The following LDB2 variants were observed in gnomAD, a reference collection of about 807,000 sequenced individuals.
LDB2 encodes LIM domain binding 2.
In LDB2, 12 loss-of-function variants were observed where a neutral mutation model predicts 44.3. The ratio of observed to expected loss-of-function variants is 0.27; its 90% CI spans 0.17 to 0.44. The LOEUF (loss-of-function observed/expected upper bound fraction) is 0.44, where lower values mean the gene tolerates loss of function less well. Ranked by LOEUF, LDB2 falls within the 20% of genes least tolerant of loss-of-function variation. The probability of loss-of-function intolerance (pLI) is 1.00; values close to 1 mark genes in which losing one functional copy is unlikely to be tolerated. For missense variants in LDB2, 344 were observed against 473.5 expected, an observed-to-expected ratio of 0.73 and a Z score of 2.54; for synonymous variants, 164 against 174.8, an observed-to-expected ratio of 0.94 and a Z score of 0.49.
At chr4:16,783,401 G>A (rs999205055) in intron 1 of LDB2, among the ~76,000 whole-genome samples, 1 of 152,270 alleles carries the variant, frequency 6.6e-6, no homozygotes, top group East Asian at 1.9e-4. Flanking sequence ...GCCCAAGAGA[G>A]CAAAGCCAGA....
chr4:16,703,473 T>C (rs1046630726), intron 2 of LDB2, among the ~76,000 whole-genome samples: 1 of 152,178 alleles, frequency 6.6e-6, no homozygotes, highest in Admixed American at 6.5e-5. Context: ...TATCCAAGGG[T>C]AATCTCATGG....
chr4:16,565,868 A>G (rs952258373), intron 5 of LDB2, among the ~76,000 whole-genome samples: 3 of 152,072 alleles, frequency 2.0e-5, no homozygotes, highest in Non-Finnish European at 4.4e-5. Flanking sequence ...AATGGAAGAA[A>G]AGGCCCAATT....
intron 2 of LDB2, among the ~76,000 whole-genome samples, chr4:16,745,888 A>G (rs1764279942): frequency 6.8e-6 from 1 of 146,104 alleles, no homozygotes; most frequent in Non-Finnish European, 1.5e-5. Flanking sequence ...AAGATTCTCT[A>G]TTGTTGAAAA....
At chr4:16,750,702 G>A (rs550708961) in intron 2 of LDB2, 4 of 152,176 alleles carry the variant, frequency 2.6e-5, no homozygotes, top group Admixed American at 6.5e-5. Context: ...AACACAGGAT[G>A]CTCAGTTAAA....
intron 5 of LDB2, among the ~76,000 whole-genome samples, chr4:16,545,556 T>C (rs1428703847): frequency 6.6e-6 from 1 of 152,214 alleles, no homozygotes; most frequent in African/African-American, 2.4e-5. Context: ...TTCAATTATA[T>C]ATTTAACTCA....
intron 5 of LDB2, among the ~76,000 whole-genome samples, chr4:16,534,419 G>A (rs1175198874): frequency 2.0e-5 from 3 of 152,082 alleles, no homozygotes; most frequent in Non-Finnish European, 4.4e-5. Context: ...TAAACACCCC[G>A]AGCTGGCCTT....
chr4:16,502,662 G>T lies in LDB2; in HGVS notation c.1103C>A (p.Pro368Gln), dbSNP rs780411997. 28 of 1,613,720 alleles carry T rather than the reference G, an allele frequency of 1.7e-5. No homozygotes were observed. The highest frequency in any genetic ancestry group is 3.3e-5 in the Admixed American group (2 of 60,000). The change falls in exon 8 of 8, where the codon CCA becomes CAA. Residue 368 changes from proline (P) to glutamine (Q), a missense_variant. Coordinates refer to ENST00000304523, the MANE Select transcript of LDB2 (RefSeq NM_001290.5). ...ATQETKSENP[P>Q]PQASQ ...ATCATCTTATTGGGAAGCCTGGGGTGGGGGGTTTTCTGATTTGGTCTCTTG... is the reference window on the plus strand; with the variant it reads ...ATCATCTTATTGGGAAGCCTGGGGTTGGGGGTTTTCTGATTTGGTCTCTTG...
In LDB2 at chr4:16,726,075, A is replaced by T. The variant is rs546851569; in HGVS notation, c.235+33083T>A. On this transcript the variant is annotated intron_variant, in intron 2 of 7. Coordinates refer to ENST00000304523, the MANE Select transcript of LDB2 (RefSeq NM_001290.5). ...AATATACATTTCATATAAAATTTTT[A>T]TTTTAACATTAATTATAATACTTTT... is the stretch of plus-strand genomic sequence containing the variant. Among the ~76,000 whole-genome samples, 11 of 151,696 alleles carry T rather than the reference A, an allele frequency of 7.3e-5. No individual in the cohort carries two copies. The South Asian group carries it at 2.3e-3, about 31-fold the overall frequency.
intron 5 of LDB2, among the ~76,000 whole-genome samples, chr4:16,541,378 G>A (rs1176182561): frequency 2.0e-5 from 3 of 152,116 alleles, no homozygotes; most frequent in Non-Finnish European, 4.4e-5. Context: ...CTTTTGCCAC[G>A]AGTAAGAGCT....
intron 6 of LDB2, among the ~76,000 whole-genome samples, chr4:16,510,651 GTCC>G (rs1477670524): frequency 1.3e-5 from 2 of 152,142 alleles, no homozygotes; most frequent in African/African-American, 4.8e-5. Context: ...TGGTGACACA[GTCC>G]TCCTTCATTT....
intron 1 of LDB2, among the ~76,000 whole-genome samples, chr4:16,836,439 C>T (rs557770940): frequency 5.3e-5 from 8 of 152,154 alleles, no homozygotes; most frequent in Non-Finnish European, 1.0e-4. Flanking sequence ...TTTCCATTTT[C>T]CAGCTGGGCA....
At chr4:16,575,364 AT>A (rs907349752) in intron 5 of LDB2, among the ~76,000 whole-genome samples, 1 of 152,328 alleles carries the variant, frequency 6.6e-6, no homozygotes, top group African/African-American at 2.4e-5. Context: ...CTTAAAAAAA[AT>A]AACACCCCAC....
At chr4:16,642,973 C>T (rs1010880012) in intron 2 of LDB2, among the ~76,000 whole-genome samples, 3 of 152,130 alleles carry the variant, frequency 2.0e-5, no homozygotes, top group Non-Finnish European at 4.4e-5. Context: ...TGTTCTTCCA[C>T]CTGAATAGCA....
chr4:16,889,090 T>TAAAC (rs927059053), intron 1 of LDB2, among the ~76,000 whole-genome samples: 1 of 134,148 alleles, frequency 7.5e-6, no homozygotes, highest in African/African-American at 3.6e-5. Flanking sequence ...CTCACACACA[T>TAAAC]AAACACACAC....
chr4:16,551,267 G>A (rs763284968), intron 5 of LDB2, among the ~76,000 whole-genome samples: 3 of 152,086 alleles, frequency 2.0e-5, no homozygotes, highest in Non-Finnish European at 4.4e-5. Context: ...TTTTAAAGTT[G>A]TATTATGGAT....
intron 1 of LDB2, among the ~76,000 whole-genome samples, chr4:16,804,972 C>G (rs964062580): frequency 6.6e-6 from 1 of 152,004 alleles, no homozygotes; most frequent in Non-Finnish European, 1.5e-5. Context: ...AGTGAGGGCT[C>G]TCTTCCTTGC....
At chr4:16,823,819 T>C (rs1032108413) in intron 1 of LDB2, among the ~76,000 whole-genome samples, 3 of 152,240 alleles carry the variant, frequency 2.0e-5, no homozygotes, top group Non-Finnish European at 2.9e-5. Flanking sequence ...GAAAACTGAA[T>C]TGTGCTTCTA....
At chr4:16,504,239 A>C (rs1718461023) in intron 7 of LDB2, among the ~76,000 whole-genome samples, 1 of 152,202 alleles carries the variant, frequency 6.6e-6, no homozygotes, top group Non-Finnish European at 1.5e-5. Flanking sequence ...AATACTGCCT[A>C]CTGTCAGGAG....
intron 2 of LDB2, among the ~76,000 whole-genome samples, chr4:16,647,328 T>C (rs146420656): frequency 3.7e-4 from 57 of 152,294 alleles, no homozygotes; most frequent in African/African-American, 1.3e-3. Flanking sequence ...CTTAGAGTGA[T>C]GAAAATGTTC....
Sources: allele counts gnomAD v4.1 joint callset (sites outside exome capture counted in the v4.1 genomes callset), GRCh38; gene constraint gnomAD v4.1.1; transcripts MANE v1.5; gene names NCBI Gene and HGNC (gene_info 2026-07-23, HGNC 2026-07-21).